Variants in ADAMTSL1 observed in about 807,000 individuals in gnomAD.
The protein encoded by ADAMTSL1 is ADAMTS-like protein 1.
In ADAMTSL1, 126 loss-of-function variants were observed where a neutral mutation model predicts 201.8. That is an observed-to-expected ratio of 0.62 (90% CI 0.54 to 0.72). ADAMTSL1 has a LOEUF of 0.72. ADAMTSL1 is among the 30% of genes least tolerant of loss of function. The pLI is 0.00. For synonymous variants in ADAMTSL1, 1,121 were observed against 903.4 expected, an observed-to-expected ratio of 1.24 and a Z score of -4.32; for missense variants, 2,679 against 2,277.8, an observed-to-expected ratio of 1.18 and a Z score of -3.59.
At chr9:18,317,891 G>A (rs1189045762) in intron 2 of ADAMTSL1, among the ~76,000 whole-genome samples, 10 of 152,168 alleles carry the variant, frequency 6.6e-5, no homozygotes, top group African/African-American at 2.2e-4. Flanking sequence ...CTAGAGAACC[G>A]GATTTAGCCA....
intron 1 of ADAMTSL1, among the ~76,000 whole-genome samples, chr9:18,004,660 G>A (rs1231381050): frequency 6.6e-6 from 1 of 152,022 alleles, no homozygotes; most frequent in Non-Finnish European, 1.5e-5. Flanking sequence ...AGTAACAGTA[G>A]GGAAATGATG....
chr9:18,274,162 G>C (rs551347506), intron 2 of ADAMTSL1, among the ~76,000 whole-genome samples: 1 of 152,312 alleles, frequency 6.6e-6, no homozygotes, highest in East Asian at 1.9e-4. Context: ...ATGCAGTTTA[G>C]TCTGATTATT....
intron 23 of ADAMTSL1, among the ~76,000 whole-genome samples, chr9:18,851,421 C>G (rs1302957341): frequency 6.6e-6 from 1 of 152,142 alleles, no homozygotes; most frequent in Non-Finnish European, 1.5e-5. Context: ...CCATACAGGT[C>G]TGCAGCAACT....
chr9:18,620,496 A>C (rs35601420), intron 4 of ADAMTSL1, among the ~76,000 whole-genome samples: 9,461 of 152,258 alleles, frequency 0.062, 395 homozygotes, highest in Non-Finnish European at 0.093. Context: ...CCTATTTCAC[A>C]CTGTACTCAG....
intron 1 of ADAMTSL1, among the ~76,000 whole-genome samples, chr9:18,497,418 A>G (rs574066045): frequency 1.3e-5 from 2 of 152,318 alleles, no homozygotes; most frequent in Admixed American, 6.5e-5. Context: ...CAGCTATTAT[A>G]GTTATTTTAA....
chr9:18,105,242 A>G (rs535127102), intron 1 of ADAMTSL1, among the ~76,000 whole-genome samples: 1 of 152,170 alleles, frequency 6.6e-6, no homozygotes, highest in Non-Finnish European at 1.5e-5. Flanking sequence ...CGGTGTCTCT[A>G]TGATCCACAA....
chr9:18,889,713 G>C lies in ADAMTSL1; in HGVS notation c.4608G>C (p.Gln1536His). 2 of 1,555,942 alleles carry C rather than the reference G, an allele frequency of 1.3e-6. No individual in the cohort carries two copies. The highest frequency in any genetic ancestry group is 1.7e-6 in the Non-Finnish European group (2 of 1,150,516). The change falls in exon 25 of 29, where the codon CAG (glutamine) becomes CAC (histidine). Residue 1536 changes from glutamine (Q) to histidine (H), a missense_variant. Physicochemically the swap from Gln to His is conservative, Grantham distance 24. Transcript: ENST00000380548. ...HCAGKVRPAV[Q>H]PIACNRRDCP... is the part of the protein sequence containing the mutation. The stretch of plus-strand genomic sequence containing the variant: ...CAGGGAAGGTTCGCCCTGCGGTGCA[G>C]CCCATCGCGTGCAACCGGAGAGACT...
At chr9:18,515,656 T>C (rs1351877829) in intron 2 of ADAMTSL1, among the ~76,000 whole-genome samples, 2 of 152,132 alleles carry the variant, frequency 1.3e-5, no homozygotes, top group Admixed American at 1.3e-4. Flanking sequence ...ACTTCTTTTA[T>C]GTTAAAAGGA....
intron 2 of ADAMTSL1, among the ~76,000 whole-genome samples, chr9:18,219,898 G>T (rs1830193667): frequency 6.6e-6 from 1 of 151,686 alleles, no homozygotes; most frequent in Admixed American, 6.6e-5. Context: ...TCTCATATTA[G>T]TTTTTTTTCT....
At chr9:18,686,368 G>T (rs965789758) in intron 13 of ADAMTSL1, among the ~76,000 whole-genome samples, 1 of 152,222 alleles carries the variant, frequency 6.6e-6, no homozygotes, top group Non-Finnish European at 1.5e-5. Context: ...AGTGATTAAA[G>T]ATCACAGTGT....
chr9:18,717,856 C>T (rs1255189941), intron 14 of ADAMTSL1: 8 of 744,864 alleles, frequency 1.1e-5, no homozygotes, highest in Admixed American at 2.0e-5. Flanking sequence ...TAAAGGGTAC[C>T]ACCACAGGAA....
chr9:18,838,360 TACACACACACACACACACACACACAC>T (rs775337751), intron 23 of ADAMTSL1, among the ~76,000 whole-genome samples: 1 of 86,694 alleles, frequency 1.2e-5, no homozygotes, highest in Non-Finnish European at 2.1e-5. Flanking sequence ...CAAACCATAT[TACACACACACACACACACACACACAC>T]ACACACACAC....
At position 18,908,652 on chromosome 9, in the gene ADAMTSL1, TC is replaced by T; in HGVS notation, c.*108del. 1.1e-6 allele frequency: 1 copy of T among 921,060 alleles called. No homozygotes were observed. 57.1% of individuals were successfully genotyped at this position (921,060 alleles called of 1,614,324 possible). ...TTCATTTTATTTATTTATTTCCCCC[TC>T]CCCACTCCACACACACCCTTCCAAC... is the stretch of plus-strand genomic sequence containing the variant. On this transcript the variant is annotated 3_prime_UTR_variant, in exon 29 of 29. Coordinates refer to ENST00000380548, the MANE Select transcript of ADAMTSL1 (RefSeq NM_001040272.6).
At chr9:18,182,386 A>C (rs969577513) in intron 2 of ADAMTSL1, among the ~76,000 whole-genome samples, 5 of 152,330 alleles carry the variant, frequency 3.3e-5, no homozygotes, top group Middle Eastern at 3.4e-3. Context: ...TATGAATTAC[A>C]TGTTGATTTT....
rs1829109144 is a variant in ADAMTSL1, at chr9:18,889,500, C to T, written c.4463-68C>T. 7.8e-6 allele frequency: 12 copies of T among 1,544,990 alleles called. No individual in the cohort carries two copies. The South Asian group carries it at 1.3e-4, about 17-fold the overall frequency. On this transcript the variant is annotated intron_variant, in intron 24 of 28. Coordinates refer to ENST00000380548, the MANE Select transcript of ADAMTSL1 (RefSeq NM_001040272.6). ...CCTGTCACCTTCTCCCTGCCCTGCT[C>T]AGAAGGAATTCAGAGTGTGGGCAAT...
chr9:18,872,713 C>T (rs139874426), intron 23 of ADAMTSL1, among the ~76,000 whole-genome samples: 1 of 152,246 alleles, frequency 6.6e-6, no homozygotes, highest in African/African-American at 2.4e-5. Flanking sequence ...TATGTATACA[C>T]CACAGTTTCT....
chr9:17,979,703 C>G (rs943402423), intron 1 of ADAMTSL1, among the ~76,000 whole-genome samples: 15 of 152,196 alleles, frequency 9.9e-5, no homozygotes, highest in Non-Finnish European at 1.9e-4. Context: ...CTTGATTCTG[C>G]TTTTCTGTGG....
chr9:18,508,922 C>T (rs1229284131), intron 2 of ADAMTSL1, among the ~76,000 whole-genome samples: 3 of 95,454 alleles, frequency 3.1e-5, no homozygotes, highest in Admixed American at 9.1e-5. Context: ...CGGTGGCTCA[C>T]GCCTGTAATC....
chr9:17,933,562 A>T (rs1297343334), intron 1 of ADAMTSL1, among the ~76,000 whole-genome samples: 1 of 152,146 alleles, frequency 6.6e-6, no homozygotes, highest in Non-Finnish European at 1.5e-5. Context: ...GAAATGCCCA[A>T]GACTGAGTAA....
Sources: allele counts gnomAD v4.1 joint callset (sites outside exome capture counted in the v4.1 genomes callset), GRCh38; gene constraint gnomAD v4.1.1; transcripts MANE v1.5; gene names NCBI Gene and HGNC (gene_info 2026-07-23, HGNC 2026-07-21).